The following CXCL9 variants were observed in gnomAD, a reference collection of about 807,000 sequenced individuals.
The protein encoded by CXCL9 is C-X-C motif chemokine 9.
In CXCL9, 8 loss-of-function variants were observed where a neutral mutation model predicts 11.7. The ratio of observed to expected loss-of-function variants is 0.68; its 90% CI spans 0.40 to 1.23. CXCL9 has a LOEUF of 1.23. CXCL9 is among the 50% of genes most tolerant of loss of function. The probability of loss-of-function intolerance (pLI) is 0.01; values close to 1 mark genes in which losing one functional copy is unlikely to be tolerated. For synonymous variants in CXCL9, 43 were observed against 48.2 expected, an observed-to-expected ratio of 0.89 and a Z score of 0.45; for missense variants, 133 against 141.7, an observed-to-expected ratio of 0.94 and a Z score of 0.31.
rs913400131 is a variant in CXCL9, at chr4:76,006,030, G to T, written c.191+118C>A. ...AAAGGAGCTGCCCAAATTTATGGAG[G>T]GGGTAACCATCTGATTTTTAAGTGT... On this transcript the variant is annotated intron_variant, in intron 2 of 3. Coordinates refer to ENST00000264888, the MANE Select transcript of CXCL9 (RefSeq NM_002416.3). The T allele has an allele frequency of 3.4e-6, 3 of 873,840 alleles. No individual in the cohort carries two copies. The African/African-American group carries it at 5.1e-5, about 15-fold the overall frequency. 54.1% of individuals were successfully genotyped at this position (873,840 alleles called of 1,614,324 possible). A position where few individuals can be genotyped will look rare whatever the true frequency, so the allele number is the denominator to read the frequency against.
intron 2 of CXCL9, 146 bp downstream of exon 2, chr4:76,006,002 A>G (rs1731578479): frequency 1.5e-6 from 1 of 651,926 alleles, no homozygotes; most frequent in African/African-American, 1.8e-5. Context: ...AGGAGAAGAA[A>G]AGAAAGGAGC....
In CXCL9 at chr4:76,006,889, C is replaced by T. The variant is rs192736370; in HGVS notation, c.64+497G>A. Among the ~76,000 whole-genome samples the T allele has an allele frequency of 1.5e-3, 231 of 152,260 alleles. 3 individuals are homozygous for T. Among genetic ancestry groups the T allele is most frequent in the African/African-American group, 5.1e-3 (213 of 41,556 alleles). Reference sequence around the variant, plus strand: ...TATATTTACTTGGTACTTATTGTACCATATGCCATACATTGTGTAGCAGTC... The same window carrying T: ...TATATTTACTTGGTACTTATTGTACTATATGCCATACATTGTGTAGCAGTC... On this transcript the variant is annotated intron_variant, in intron 1 of 3. Coordinates refer to ENST00000264888, the MANE Select transcript of CXCL9 (RefSeq NM_002416.3).
chr4:76,004,917 TAG>T, intron 2 of CXCL9, 24 bp from the exon 3 acceptor site: 1 of 1,513,696 alleles, frequency 6.6e-7, no homozygotes, highest in Non-Finnish European at 8.8e-7. Flanking sequence ...AGCAATGAGA[TAG>T]TTTTTTCTCA....
rs1731584450 is a variant in CXCL9, at chr4:76,006,247, CA to C, written c.91del (p.Cys31ValfsTer16). ...CCCTTGGTTGGTGCTGATGCAGGAA[CA>C]GCGACCCTTTCTCACTACTGGGGTT... Reference protein sequence around the residue: ...QGTPVVRKGRCSCISTNQGTI... With the variant: ...QGTPVVRKGRXSCISTNQGTI... On this transcript the variant is annotated frameshift_variant, in exon 2 of 4. Coordinates refer to ENST00000264888, the MANE Select transcript of CXCL9 (RefSeq NM_002416.3). LOFTEE classifies it high-confidence loss of function. The C allele has an allele frequency of 6.2e-7, 1 of 1,613,600 alleles. No homozygotes were observed. Among genetic ancestry groups the C allele is most frequent in the Non-Finnish European group, 8.5e-7 (1 of 1,179,702 alleles).
intron 2 of CXCL9, chr4:76,005,903 T>A (rs1005737531): frequency 3.0e-6 from 1 of 336,614 alleles, no homozygotes; most frequent in Non-Finnish European, 5.6e-6. Context: ...TTTTATTTTC[T>A]TCTATTGTGT....
Position 76,006,209 on chromosome 4 carries a change from G to T in CXCL9, c.130C>A (p.Gln44Lys). ...AATTGTTTAAGGTCTTTCAAGGATT[G>T]TAGGTGGATAGTCCCTTGGTTGGTG... is the stretch of plus-strand genomic sequence containing the variant. ...ISTNQGTIHLQSLKDLKQFAP... is the reference protein window; with the variant it reads ...ISTNQGTIHLKSLKDLKQFAP... Residue 44 changes from glutamine (Q) to lysine (K), a missense_variant, in exon 2 of 4, where the codon CAA becomes AAA. By Grantham distance (53) the Gln-to-Lys change is moderately conservative. Transcript: ENST00000264888. 6.2e-7 allele frequency: 1 copy of T among 1,613,702 alleles called. No individual in the cohort carries two copies. Among genetic ancestry groups the T allele is most frequent in the Non-Finnish European group, 8.5e-7 (1 of 1,179,618 alleles).
Position 76,002,494 on chromosome 4 carries a change from G to C in CXCL9, c.*1104C>G, listed in dbSNP as rs1731486261. 2.5e-6 allele frequency: 1 copy of C among 397,170 alleles called. No individual in the cohort carries two copies. The allele number at this position is 397,170 out of a possible 1,614,324, so 24.6% of individuals were successfully genotyped here. On this transcript the variant is annotated 3_prime_UTR_variant, in exon 4 of 4. Transcript: ENST00000264888. ...CCAGGAAAGAGCCAGCACCTGCTCT[G>C]AGACAATGGTCTGGTTGCCATCCTG...
intron 3 of CXCL9, 129 bp downstream of exon 3, chr4:76,004,677 GCAC>G (rs1731550042): frequency 7.7e-7 from 1 of 1,303,790 alleles, no homozygotes; most frequent in East Asian, 2.9e-5. Flanking sequence ...CAAAATAGAA[GCAC>G]CATAATATGA....
intron 2 of CXCL9, chr4:76,005,567 A>G (rs1731569063): frequency 6.6e-6 from 1 of 152,290 alleles, no homozygotes; most frequent in Non-Finnish European, 1.5e-5. Flanking sequence ...AAATTTGGAA[A>G]TAATCTATAT....
rs1481784518 is a variant in CXCL9 at position 76,007,426 on chromosome 4, G to A, written c.24C>T (p.Phe8=). The A allele has an allele frequency of 1.9e-6, 3 of 1,601,046 alleles. No homozygotes were observed. Among genetic ancestry groups the A allele is most frequent in the Admixed American group, 3.3e-5 (2 of 60,002 alleles). The part of the protein sequence containing the change: MKKSGVL[F]LLGIILLVLI... ...GAACCAGCAAGATGATGCCCAAGAGGAAAAGAACACCACTTTTCTTCATAG... is the reference window on the plus strand; with the variant it reads ...GAACCAGCAAGATGATGCCCAAGAGAAAAAGAACACCACTTTTCTTCATAG... Residue 8 remains phenylalanine (F), a synonymous_variant, in exon 1 of 4, where the codon TTC becomes TTT. Transcript: ENST00000264888.
At position 76,006,260 on chromosome 4, in the gene CXCL9, TC is replaced by T; in HGVS notation, c.78del (p.Arg27GlufsTer20). The T allele has an allele frequency of 6.2e-7, 1 of 1,613,644 alleles. No individual in the cohort carries two copies. The highest frequency in any genetic ancestry group is 8.5e-7 in the Non-Finnish European group (1 of 1,179,632). The stretch of plus-strand genomic sequence containing the variant: ...CTGATGCAGGAACAGCGACCCTTTC[TC>T]ACTACTGGGGTTCCTGAGGGAAAGA... ...VLIGVQGTPV[V>X]RKGRCSCIST... On this transcript the variant is annotated frameshift_variant, in exon 2 of 4. Transcript: ENST00000264888. LOFTEE classifies it high-confidence loss of function.
At chr4:76,004,786 T>G (rs779047088) in intron 3 of CXCL9, 23 bp downstream of exon 3, 1 of 1,582,704 alleles carries the variant, frequency 6.3e-7, no homozygotes, top group Non-Finnish European at 8.5e-7. Flanking sequence ...AGAAAGAAAA[T>G]TTTGATCTTC....
chr4:76,005,088 C>T, intron 2 of CXCL9, 195 bp from the exon 3 acceptor site: 1 of 876,162 alleles, frequency 1.1e-6, no homozygotes, highest in Non-Finnish European at 1.5e-6. Flanking sequence ...CGCTCTGTTG[C>T]CAGGCTGGAG....
At chr4:76,006,752 A>G (rs911105548) in intron 1 of CXCL9, among the ~76,000 whole-genome samples, 2 of 152,150 alleles carry the variant, frequency 1.3e-5, no homozygotes, top group African/African-American at 4.8e-5. Flanking sequence ...CTCCTTTGTA[A>G]CCAATCACCA....
Position 76,003,575 on chromosome 4 carries a change from A to C in CXCL9, c.*23T>G, listed in dbSNP as rs1410170919. 1 of 1,327,020 alleles carries C rather than the reference A, an allele frequency of 7.5e-7. No homozygotes were observed. The highest frequency in any genetic ancestry group is 1.5e-5 in the African/African-American group (1 of 68,736). The allele number at this position is 1,327,020 out of a possible 1,614,324, so 82.2% of individuals were successfully genotyped here. A position where few individuals can be genotyped will look rare whatever the true frequency, so the allele number is the denominator to read the frequency against. ...TAAAATAGAACATTTTTAACACAGA[A>C]TACTTATTGGTGAAGTGGTCTCTTA... is the stretch of plus-strand genomic sequence containing the variant. On this transcript the variant is annotated 3_prime_UTR_variant, in exon 4 of 4. Coordinates refer to ENST00000264888, the MANE Select transcript of CXCL9 (RefSeq NM_002416.3).
At chr4:76,003,769 C>T (rs1249823531) in intron 3 of CXCL9, 70 bp from the exon 4 acceptor site, 8 of 908,048 alleles carry the variant, frequency 8.8e-6, no homozygotes, top group East Asian at 2.4e-5. Flanking sequence ...TATTTGGACT[C>T]TCCTGATCAT....
intron 2 of CXCL9, 24 bp downstream of exon 2, chr4:76,006,124 C>G: frequency 6.2e-7 from 1 of 1,607,380 alleles, no homozygotes; most frequent in East Asian, 2.2e-5. Context: ...ATGGTGCATG[C>G]ATGTTAGCTG....
chr4:76,003,559 AC>A lies in CXCL9; in HGVS notation c.*38del. ...ATGATAGCGGTATAATTAAAATAGAACATTTTTAACACAGAATACTTATTGG... is the reference window on the plus strand; with the variant it reads ...ATGATAGCGGTATAATTAAAATAGAAATTTTTAACACAGAATACTTATTGG... On this transcript the variant is annotated 3_prime_UTR_variant, in exon 4 of 4. Transcript: ENST00000264888. 1 of 1,162,204 alleles carries A rather than the reference AC, an allele frequency of 8.6e-7. No individual in the cohort carries two copies. The highest frequency in any genetic ancestry group is 1.3e-6 in the Non-Finnish European group (1 of 779,398). The allele number at this position is 1,162,204 out of a possible 1,614,324, so 72.0% of individuals were successfully genotyped here. A position where few individuals can be genotyped will look rare whatever the true frequency, so the allele number is the denominator to read the frequency against.
In CXCL9 at chr4:76,006,403, C is replaced by G. The variant is rs1371578384; in HGVS notation, c.65-129G>C. The G allele has an allele frequency of 5.8e-6, 5 of 865,882 alleles. No individual in the cohort carries two copies. In the East Asian group the frequency reaches 1.4e-4, roughly 23 times the overall value. The allele number at this position is 865,882 out of a possible 1,614,324, so 53.6% of individuals were successfully genotyped here. A position where few individuals can be genotyped will look rare whatever the true frequency, so the allele number is the denominator to read the frequency against. On this transcript the variant is annotated intron_variant, in intron 1 of 3. Coordinates refer to ENST00000264888, the MANE Select transcript of CXCL9 (RefSeq NM_002416.3). ...TTTACCGAGTGCCTAAAAATAATCA[C>G]CACAAACCTTTGAAGGAGGTATCAT...
Sources: allele counts gnomAD v4.1 joint callset (sites outside exome capture counted in the v4.1 genomes callset), GRCh38; gene constraint gnomAD v4.1.1; transcripts MANE v1.5; gene names NCBI Gene and HGNC (gene_info 2026-07-23, HGNC 2026-07-21).